The following FOXP2 variants were observed in gnomAD, a reference collection of about 807,000 sequenced individuals.
The protein encoded by FOXP2 is forkhead box P2.
A neutral mutation model predicts 115.8 loss-of-function variants in FOXP2; 12 were observed. The observed-to-expected ratio is 0.10, with a 90% CI of 0.07 to 0.17. FOXP2 has a LOEUF of 0.17. FOXP2 is among the 10% of genes least tolerant of loss of function. The probability of loss-of-function intolerance (pLI) is 1.00; values close to 1 mark genes in which losing one functional copy is unlikely to be tolerated. For synonymous variants in FOXP2, 328 were observed against 297.7 expected (o/e 1.10, Z -1.05); for missense variants, 629 against 843.5 (o/e 0.75, Z 3.15).
At chr7:114,391,865 G>A (rs572366544) in intron 2 of FOXP2, among the ~76,000 whole-genome samples, 2 of 152,260 alleles carry the variant, frequency 1.3e-5, no homozygotes, top group East Asian at 1.9e-4. Context: ...ATTCTAGTTT[G>A]TGTCAAACTC....
chr7:114,279,604 C>T (rs1236565434), intron 1 of FOXP2, among the ~76,000 whole-genome samples: 1 of 152,090 alleles, frequency 6.6e-6, no homozygotes, highest in Non-Finnish European at 1.5e-5. Flanking sequence ...TTAATGCATA[C>T]TTGCTTCTGT....
chr7:114,103,886 A>G (rs370225966), intron 1 of FOXP2, among the ~76,000 whole-genome samples: 66 of 152,014 alleles, frequency 4.3e-4, no homozygotes, highest in African/African-American at 1.4e-3. Context: ...CATTCCTTCA[A>G]TCTCCCCCTT....
At chr7:114,366,274 G>A (rs1791879487) in intron 2 of FOXP2, among the ~76,000 whole-genome samples, 1 of 152,046 alleles carries the variant, frequency 6.6e-6, no homozygotes, top group Admixed American at 6.6e-5. Flanking sequence ...GCTGTTTGAG[G>A]TTATTTCAAA....
intron 2 of FOXP2, among the ~76,000 whole-genome samples, chr7:114,470,934 T>C (rs1433452544): frequency 6.6e-6 from 1 of 152,182 alleles, no homozygotes; most frequent in Non-Finnish European, 1.5e-5. Flanking sequence ...TCTATAACCC[T>C]GGGGTGTCTT....
chr7:114,498,948 C>CT (rs763556866), intron 2 of FOXP2: 1 of 717,678 alleles, frequency 1.4e-6, no homozygotes, highest in South Asian at 1.5e-5. Context: ...AACTGATGAC[C>CT]TAGAAGAGCG....
intron 1 of FOXP2, among the ~76,000 whole-genome samples, chr7:114,133,962 A>G (rs765138823): frequency 8.5e-5 from 13 of 152,150 alleles, no homozygotes; most frequent in Non-Finnish European, 1.2e-4. Flanking sequence ...ACCCAGTCCC[A>G]GGTATTCTTT....
intron 1 of FOXP2, among the ~76,000 whole-genome samples, chr7:114,139,113 C>T (rs1296505082): frequency 6.6e-6 from 1 of 152,090 alleles, no homozygotes; most frequent in Non-Finnish European, 1.5e-5. Flanking sequence ...ATAGCTAACA[C>T]TATGCAGAGC....
intron 2 of FOXP2, among the ~76,000 whole-genome samples, chr7:114,525,658 C>T (rs1209987710): frequency 6.6e-6 from 1 of 152,192 alleles, no homozygotes; most frequent in Non-Finnish European, 1.5e-5. Flanking sequence ...AGACCATCCA[C>T]TGTGAGCTCT....
chr7:114,662,218 C>T, intron 14 of FOXP2, 32 bp downstream of exon 14: 1 of 1,610,850 alleles, frequency 6.2e-7, no homozygotes, highest in East Asian at 2.2e-5. Flanking sequence ...AATCCTGTAT[C>T]CTGCATCCAC....
At chr7:114,322,375 G>A (rs1377121220) in intron 2 of FOXP2, among the ~76,000 whole-genome samples, 3 of 151,752 alleles carry the variant, frequency 2.0e-5, no homozygotes, top group African/African-American at 7.3e-5. Flanking sequence ...TTTAAGCTGG[G>A]TGTGGTGGCT....
intron 2 of FOXP2, among the ~76,000 whole-genome samples, chr7:114,484,980 G>A (rs989810798): frequency 6.6e-6 from 1 of 151,784 alleles, no homozygotes; most frequent in Non-Finnish European, 1.5e-5. Flanking sequence ...TAGTTTTTAT[G>A]AAGAGAAGTT....
chr7:114,690,088 G>T lies in FOXP2; in HGVS notation c.*162G>T. The T allele has an allele frequency of 1.4e-6, 1 of 735,186 alleles. No homozygotes were observed. Among genetic ancestry groups the T allele is most frequent in the Non-Finnish European group, 2.3e-6 (1 of 427,792 alleles). 45.5% of individuals were successfully genotyped at this position (735,186 alleles called of 1,614,324 possible). ...TACTAAGCCAGCCCTTTGGGATTCA[G>T]TACCAACAGGCAAATTGCTTGTTTT... On this transcript the variant is annotated 3_prime_UTR_variant, in exon 17 of 17. Transcript: ENST00000350908.
At chr7:114,492,418 C>A (rs563391846) in intron 2 of FOXP2, among the ~76,000 whole-genome samples, 159 of 152,176 alleles carry the variant, frequency 1.0e-3, no homozygotes, top group Non-Finnish European at 1.7e-3. Context: ...TCCTTCAGTT[C>A]TGCTCTGATC....
At chr7:114,125,379 A>G (rs1791680517) in intron 1 of FOXP2, among the ~76,000 whole-genome samples, 1 of 152,282 alleles carries the variant, frequency 6.6e-6, no homozygotes, top group Admixed American at 6.5e-5. Flanking sequence ...GTTAATGACT[A>G]GACAAATATT....
intron 5 of FOXP2, 133 bp from the exon 6 acceptor site, chr7:114,631,395 C>A: frequency 7.0e-7 from 1 of 1,433,950 alleles, no homozygotes; most frequent in Non-Finnish European, 9.5e-7. Context: ...TCACATTCTG[C>A]CCCTGAACTT....
intron 6 of FOXP2, among the ~76,000 whole-genome samples, chr7:114,640,350 G>T (rs924890128): frequency 6.6e-6 from 1 of 152,030 alleles, no homozygotes; most frequent in South Asian, 2.1e-4. Context: ...TTGGAAACCC[G>T]AATTATCCTG....
At chr7:114,355,929 A>T (rs1025845165) in intron 2 of FOXP2, among the ~76,000 whole-genome samples, 3 of 152,178 alleles carry the variant, frequency 2.0e-5, no homozygotes, top group African/African-American at 7.2e-5. Context: ...TGGAATTCAG[A>T]TGCCTGGATT....
intron 16 of FOXP2, among the ~76,000 whole-genome samples, chr7:114,682,665 G>A (rs1041380641): frequency 6.6e-6 from 1 of 152,034 alleles, no homozygotes; most frequent in African/African-American, 2.4e-5. Context: ...GGGGCAAAAA[G>A]AGAAAGAAAT....
intron 1 of FOXP2, among the ~76,000 whole-genome samples, chr7:114,206,486 C>A (rs544595239): frequency 7.2e-5 from 11 of 152,248 alleles, no homozygotes; most frequent in Admixed American, 5.9e-4. Flanking sequence ...CTGCTTTCTT[C>A]TTATTATTTA....
Sources: allele counts gnomAD v4.1 joint callset (sites outside exome capture counted in the v4.1 genomes callset), GRCh38; gene constraint gnomAD v4.1.1; transcripts MANE v1.5; gene names NCBI Gene and HGNC (gene_info 2026-07-23, HGNC 2026-07-21).